The following SLC47A1 variants were observed in gnomAD, a reference collection of about 807,000 sequenced individuals.
The protein encoded by SLC47A1 is solute carrier family 47 member 1.
SLC47A1 carries 58 observed loss-of-function variants against 65.8 expected under a neutral mutation model. The ratio of observed to expected loss-of-function variants is 0.88; its 90% CI spans 0.71 to 1.10. The LOEUF (loss-of-function observed/expected upper bound fraction) is 1.10. SLC47A1 is among the 50% of genes least tolerant of loss of function. The pLI is 0.00. For synonymous variants in SLC47A1, 285 were observed against 295.0 expected, an observed-to-expected ratio of 0.97 and a Z score of 0.35; for missense variants, 706 against 719.2, an observed-to-expected ratio of 0.98 and a Z score of 0.21.
At chr17:19,566,069 C>T (rs2084355435) in intron 12 of SLC47A1, among the ~76,000 whole-genome samples, 1 of 152,176 alleles carries the variant, frequency 6.6e-6, no homozygotes, top group Admixed American at 6.5e-5. Context: ...TTTGGTATCA[C>T]AGTGCTAGTA....
At chr17:19,537,368 G>T (rs1166114221) in intron 1 of SLC47A1, among the ~76,000 whole-genome samples, 1 of 152,238 alleles carries the variant, frequency 6.6e-6, no homozygotes, top group Non-Finnish European at 1.5e-5. Context: ...TATCCTGAAG[G>T]CAATGGGGAA....
intron 6 of SLC47A1, 128 bp from the exon 7 acceptor site, chr17:19,555,084 G>C: frequency 8.8e-6 from 7 of 794,564 alleles, no homozygotes; most frequent in Non-Finnish European, 1.5e-5. Flanking sequence ...GACCTCCCCA[G>C]TTAAGCCCCC....
At chr17:19,548,387 A>G (rs2152313400) in intron 4 of SLC47A1, among the ~76,000 whole-genome samples, 1 of 152,152 alleles carries the variant, frequency 6.6e-6, no homozygotes, top group South Asian at 2.1e-4. Flanking sequence ...GTGGGATGGT[A>G]GTTTGTGACG....
chr17:19,566,951 G>T, intron 13 of SLC47A1, 92 bp downstream of exon 13: 1 of 1,586,390 alleles, frequency 6.3e-7, no homozygotes, highest in South Asian at 1.1e-5. Flanking sequence ...TAGGTAGGAA[G>T]ATTGAATATT....
At chr17:19,561,471 G>A (rs962720399) in intron 12 of SLC47A1, among the ~76,000 whole-genome samples, 22 of 151,490 alleles carry the variant, frequency 1.5e-4, no homozygotes, top group Non-Finnish European at 2.4e-4. Flanking sequence ...GTGAAACCCC[G>A]TCTCTACTAA....
intron 12 of SLC47A1, among the ~76,000 whole-genome samples, chr17:19,564,079 G>A (rs563781475): frequency 6.5e-4 from 99 of 152,234 alleles, no homozygotes; most frequent in African/African-American, 2.1e-3. Context: ...TAGGCCAGGC[G>A]CGGTGGCTCA....
intron 12 of SLC47A1, among the ~76,000 whole-genome samples, chr17:19,564,164 G>A (rs1183871952): frequency 6.6e-6 from 1 of 152,034 alleles, no homozygotes; most frequent in Non-Finnish European, 1.5e-5. Context: ...ACCAGCCTGG[G>A]AAACATGGCG....
In SLC47A1 at chr17:19,578,133, G is replaced by GGTGGCATACC; in HGVS notation, c.*580_*581insGTGGCATACC. The GGTGGCATACC allele has an allele frequency of 2.2e-6, 1 of 464,600 alleles. No individual in the cohort carries two copies. The highest frequency in any genetic ancestry group is 4.1e-6 in the Non-Finnish European group (1 of 245,098). The allele number at this position is 464,600 out of a possible 1,614,324, so 28.8% of individuals were successfully genotyped here. ...AGAGTAGCTGAGACTACAGGGGTAT[G>GGTGGCATACC]CCACCATGCCCAGCTGGCATTTGTT... On this transcript the variant is annotated 3_prime_UTR_variant, in exon 17 of 17. Coordinates refer to ENST00000270570, the MANE Select transcript of SLC47A1 (RefSeq NM_018242.3).
At chr17:19,560,644 C>A (rs1230166763) in intron 12 of SLC47A1, 151 bp downstream of exon 12, 1 of 772,700 alleles carries the variant, frequency 1.3e-6, no homozygotes, top group Non-Finnish European at 2.2e-6. Flanking sequence ...CCTGTAATCC[C>A]AGCACTTTGG....
intron 1 of SLC47A1, 174 bp downstream of exon 1, chr17:19,534,248 C>T: frequency 1.3e-6 from 1 of 797,718 alleles, no homozygotes; most frequent in Non-Finnish European, 1.8e-6. Flanking sequence ...CTGCCTGCGT[C>T]CCGGCCGCTT....
chr17:19,541,697 C>T (rs922695925), intron 1 of SLC47A1, among the ~76,000 whole-genome samples: 1 of 152,166 alleles, frequency 6.6e-6, no homozygotes, highest in Non-Finnish European at 1.5e-5. Flanking sequence ...GGAATGTGTT[C>T]TTGTTGTTGA....
chr17:19,565,025 T>C (rs1333531331), intron 12 of SLC47A1, among the ~76,000 whole-genome samples: 3 of 152,214 alleles, frequency 2.0e-5, no homozygotes, highest in Non-Finnish European at 2.9e-5. Flanking sequence ...GGGCCAGTGC[T>C]GGATTTCTTA....
At chr17:19,536,453 T>C (rs1355192367) in intron 1 of SLC47A1, among the ~76,000 whole-genome samples, 1 of 152,084 alleles carries the variant, frequency 6.6e-6, no homozygotes, top group East Asian at 1.9e-4. Flanking sequence ...GTCATGCATA[T>C]TTACTGTAGA....
At chr17:19,540,790 T>C (rs1317978335) in intron 1 of SLC47A1, among the ~76,000 whole-genome samples, 3 of 145,936 alleles carry the variant, frequency 2.1e-5, no homozygotes, top group Non-Finnish European at 2.9e-5. Flanking sequence ...TCTGTGGTAG[T>C]GAGAGAAGTG....
chr17:19,568,801 C>T (rs1022830779), intron 14 of SLC47A1, among the ~76,000 whole-genome samples: 1 of 152,074 alleles, frequency 6.6e-6, no homozygotes, highest in Non-Finnish European at 1.5e-5. Context: ...TTCCCATGCC[C>T]TCCCCTCCTT....
Position 19,577,315 on chromosome 17 carries a change from T to C in SLC47A1, c.1487-12T>C. On this transcript the variant is annotated splice_polypyrimidine_tract_variant and intron_variant, in intron 16 of 16. Coordinates refer to ENST00000270570, the MANE Select transcript of SLC47A1 (RefSeq NM_018242.3). ...ATCCCTTTTAAGCTGCTAAGTTCCTTTTTCCTCCCAGGGTGCCCTGAAAAC... is the reference window on the plus strand; with the variant it reads ...ATCCCTTTTAAGCTGCTAAGTTCCTCTTTCCTCCCAGGGTGCCCTGAAAAC... 6.2e-7 allele frequency: 1 copy of C among 1,612,870 alleles called. No homozygotes were observed. Among genetic ancestry groups the C allele is most frequent in the South Asian group, 1.1e-5 (1 of 90,630 alleles).
At chr17:19,541,362 A>AG (rs1234802558) in intron 1 of SLC47A1, among the ~76,000 whole-genome samples, 2 of 152,074 alleles carry the variant, frequency 1.3e-5, no homozygotes, top group African/African-American at 4.8e-5. Context: ...GCCAGGGGAG[A>AG]GGGGCTTCCC....
At chr17:19,565,351 T>C (rs1355477973) in intron 12 of SLC47A1, among the ~76,000 whole-genome samples, 1 of 152,172 alleles carries the variant, frequency 6.6e-6, no homozygotes, top group Non-Finnish European at 1.5e-5. Context: ...GCCTGTGGCA[T>C]CATCTTAAAA....
rs528547169 is a variant in SLC47A1 at position 19,545,989 on chromosome 17, G to A, written c.238-446G>A. On this transcript the variant is annotated intron_variant, in intron 2 of 16. Transcript: ENST00000270570. ...TGTAATCCCAGCACTTTGGGAGGCG[G>A]AGGCGGGTGGATCACGAGGTCAAGA... Among the ~76,000 whole-genome samples, 31 of 152,174 alleles carry A rather than the reference G, an allele frequency of 2.0e-4. No homozygotes were observed. In the South Asian group the frequency reaches 3.7e-3, roughly 18 times the overall value.
Sources: allele counts gnomAD v4.1 joint callset (sites outside exome capture counted in the v4.1 genomes callset), GRCh38; gene constraint gnomAD v4.1.1; transcripts MANE v1.5; gene names NCBI Gene and HGNC (gene_info 2026-07-23, HGNC 2026-07-21).